Variants in TNRC18 observed in about 807,000 individuals in gnomAD.
The protein encoded by TNRC18 is trinucleotide repeat containing 18, also known as trinucleotide repeat-containing gene 18 protein.
A neutral mutation model predicts 226.7 loss-of-function variants in TNRC18; 69 were observed. The observed-to-expected ratio is 0.30, with a 90% CI of 0.25 to 0.37. TNRC18 has a LOEUF of 0.37. TNRC18 is among the 10% of genes least tolerant of loss of function. The pLI is 1.00. For missense variants in TNRC18, 4,754 were observed against 4,256.6 expected, an observed-to-expected ratio of 1.12 and a Z score of -3.25; for synonymous variants, 2,449 against 1,927.6, an observed-to-expected ratio of 1.27 and a Z score of -7.09.
chr7:5,365,751 G>T (rs1054089580), intron 11 of TNRC18, among the ~76,000 whole-genome samples: 2 of 151,992 alleles, frequency 1.3e-5, no homozygotes, highest in Non-Finnish European at 2.9e-5. Flanking sequence ...ACCATGCCCG[G>T]CTGACATTTT....
At chr7:5,390,848 C>G (rs1780242832) in intron 3 of TNRC18, among the ~76,000 whole-genome samples, 1 of 151,888 alleles carries the variant, frequency 6.6e-6, no homozygotes, top group Non-Finnish European at 1.5e-5. Flanking sequence ...GGTCTCCAGT[C>G]CCCCCCAGAA....
At chr7:5,418,572 G>A (rs574743480) in intron 2 of TNRC18, among the ~76,000 whole-genome samples, 17 of 152,190 alleles carry the variant, frequency 1.1e-4, no homozygotes, top group Non-Finnish European at 2.5e-4. Flanking sequence ...CGTCCGCAGA[G>A]CCCAACCTTA....
chr7:5,379,952 C>T (rs1462673718), intron 5 of TNRC18, among the ~76,000 whole-genome samples: 5 of 152,222 alleles, frequency 3.3e-5, no homozygotes, highest in African/African-American at 9.6e-5. Flanking sequence ...AGTCCAGCAC[C>T]GCCAGCTGCA....
In TNRC18 at chr7:5,389,274, G is replaced by A. The variant is rs774284656; in HGVS notation, c.550C>T (p.Arg184Trp). 2 of 1,296,518 alleles carry A rather than the reference G, an allele frequency of 1.5e-6. No homozygotes were observed. Among genetic ancestry groups the A allele is most frequent in the Non-Finnish European group, 2.0e-6 (2 of 1,024,138 alleles). The allele number at this position is 1,296,518 out of a possible 1,614,324, so 80.3% of individuals were successfully genotyped here. A position where few individuals can be genotyped will look rare whatever the true frequency, so the allele number is the denominator to read the frequency against. ...GSLHSHAPSA[R>W]TPGGGHSSGA... The stretch of plus-strand genomic sequence containing the variant: ...GAGGAGTGGCCGCCGCCAGGGGTCC[G>A]GGCCGAGGGCGCGTGAGAGTGCAGG... Residue 184 changes from arginine (R) to tryptophan (W), a missense_variant, in exon 5 of 30, where the codon CGG becomes TGG. Arg to Trp is a moderately radical substitution (Grantham distance 101). Coordinates refer to ENST00000430969, the MANE Select transcript of TNRC18 (RefSeq NM_001080495.3).
chr7:5,369,367 A>G (rs1015763327), intron 11 of TNRC18, among the ~76,000 whole-genome samples: 3 of 152,060 alleles, frequency 2.0e-5, no homozygotes, highest in African/African-American at 7.2e-5. Flanking sequence ...AAAAACAACA[A>G]CAACAAAGCA....
chr7:5,420,306 T>G (rs1255699337), intron 2 of TNRC18: 8 of 446,638 alleles, frequency 1.8e-5, no homozygotes, highest in Non-Finnish European at 3.6e-5. Flanking sequence ...GCCTGGGCCC[T>G]GCCCGACCCG....
chr7:5,337,928 A>G (rs1185400388), intron 18 of TNRC18, among the ~76,000 whole-genome samples: 1 of 152,146 alleles, frequency 6.6e-6, no homozygotes, highest in Non-Finnish European at 1.5e-5. Flanking sequence ...GATTGCAGTG[A>G]GCCAAGATCA....
chr7:5,371,912 T>A (rs898472594), intron 10 of TNRC18, among the ~76,000 whole-genome samples: 1 of 152,154 alleles, frequency 6.6e-6, no homozygotes, highest in African/African-American at 2.4e-5. Context: ...TTCCTTTTTT[T>A]TTGAGACAGA....
chr7:5,342,688 A>C (rs1448154135), intron 18 of TNRC18, among the ~76,000 whole-genome samples: 1 of 152,238 alleles, frequency 6.6e-6, no homozygotes, highest in East Asian at 1.9e-4. Context: ...TGCTGTGAAC[A>C]CTGTTGAAAT....
chr7:5,308,837 T>TTGCC, intron 29 of TNRC18, 38 bp downstream of exon 29: 19 of 834,154 alleles, frequency 2.3e-5, no homozygotes, highest in Non-Finnish European at 3.1e-5. Context: ...GAAGCAGCCA[T>TTGCC]CCCCAACCCG....
chr7:5,321,555 A>G (rs1788358421), intron 21 of TNRC18, among the ~76,000 whole-genome samples: 2 of 152,186 alleles, frequency 1.3e-5, no homozygotes, highest in African/African-American at 4.8e-5. Flanking sequence ...TCTGGGTGCC[A>G]GCCATCACCG....
At chr7:5,418,178 A>C (rs1164222245) in intron 2 of TNRC18, among the ~76,000 whole-genome samples, 1 of 152,190 alleles carries the variant, frequency 6.6e-6, no homozygotes, top group Non-Finnish European at 1.5e-5. Context: ...AGGCCTCCCA[A>C]GCCCAGAGCA....
rs752577666 is a variant in TNRC18, at chr7:5,313,328, G to T, written c.7563C>A (p.Thr2521=). The part of the protein sequence containing the change: ...SEPKAPWPKA[T]DGDLAQEPGP... ...CGGGCTCCTGGGCGAGGTCCCCGTC[G>T]GTGGCCTTGGGCCAGGGTGCCTTGG... The change falls in exon 27 of 30, where the codon ACC becomes ACA. Residue 2521 remains threonine, a synonymous_variant. Transcript: ENST00000430969. The T allele has an allele frequency of 1.7e-5, 26 of 1,552,448 alleles. No individual in the cohort carries two copies. Among genetic ancestry groups the T allele is most frequent in the Non-Finnish European group, 2.1e-5 (24 of 1,149,030 alleles).
rs774510421 is a variant in TNRC18 at position 5,374,165 on chromosome 7, G to T, written c.3119C>A (p.Pro1040Gln). 1.4e-6 allele frequency: 2 copies of T among 1,461,524 alleles called. No individual in the cohort carries two copies. Among genetic ancestry groups the T allele is most frequent in the Admixed American group, 2.6e-5 (1 of 38,300 alleles). The allele number at this position is 1,461,524 out of a possible 1,614,324, so 90.5% of individuals were successfully genotyped here. The change falls in exon 10 of 30, where the codon CCG becomes CAG. Residue 1040 changes from proline to glutamine, a missense_variant. Pro to Gln is a moderately conservative substitution (Grantham distance 76). Coordinates refer to ENST00000430969, the MANE Select transcript of TNRC18 (RefSeq NM_001080495.3). ...CTTGCGGGTGATACCCGGGGTGGGC[G>T]GTGGGGAGGCGGGCGGCGGGCTGGT... ...HPTSPPPASP[P>Q]PTPGITRKEE... is the part of the protein sequence containing the mutation.
chr7:5,396,115 G>A (rs2128204820), intron 2 of TNRC18, among the ~76,000 whole-genome samples: 1 of 147,530 alleles, frequency 6.8e-6, no homozygotes, highest in East Asian at 2.0e-4. Context: ...AGGTTGCAGT[G>A]AGCCGAGATC....
chr7:5,321,290 C>T (rs1788328760), intron 21 of TNRC18, 100 bp from the exon 22 acceptor site: 3 of 867,394 alleles, frequency 3.5e-6, no homozygotes, highest in African/African-American at 1.7e-5. Context: ...GAATGGAGGC[C>T]CTGGTACCGG....
chr7:5,316,136 G>C (rs1015615924), intron 24 of TNRC18, 64 bp from the exon 25 acceptor site: 2 of 1,319,100 alleles, frequency 1.5e-6, no homozygotes, highest in African/African-American at 1.5e-5. Context: ...GACGCACAAG[G>C]GTCAGGATGG....
chr7:5,374,130 G>C lies in TNRC18; in HGVS notation c.3154C>G (p.Pro1052Ala). The C allele has an allele frequency of 6.6e-7, 1 of 1,523,754 alleles. No individual in the cohort carries two copies. The highest frequency in any genetic ancestry group is 1.2e-5 in the South Asian group (1 of 85,058). The allele number at this position is 1,523,754 out of a possible 1,614,324, so 94.4% of individuals were successfully genotyped here. A position where few individuals can be genotyped will look rare whatever the true frequency, so the allele number is the denominator to read the frequency against. Residue 1052 changes from proline (P) to alanine (A), a missense_variant, in exon 10 of 30, where the codon CCC (proline) becomes GCC (alanine). By Grantham distance (27) the Pro-to-Ala change is conservative (BLOSUM62 -1). Coordinates refer to ENST00000430969, the MANE Select transcript of TNRC18 (RefSeq NM_001080495.3). Reference protein sequence around the residue: ...TPGITRKEEAPENVVEKKDLE... With the variant: ...TPGITRKEEAAENVVEKKDLE... ...TCTTTCTTCTCGACCACATTCTCGGGAGCCTCCTCCTTGCGGGTGATACCC... is the reference window on the plus strand; with the variant it reads ...TCTTTCTTCTCGACCACATTCTCGGCAGCCTCCTCCTTGCGGGTGATACCC...
chr7:5,406,085 A>C (rs1781444958), intron 2 of TNRC18, among the ~76,000 whole-genome samples: 2 of 152,212 alleles, frequency 1.3e-5, no homozygotes, highest in Non-Finnish European at 2.9e-5. Flanking sequence ...TTCAGCCCTG[A>C]AAAGGAAGGA....
Sources: allele counts gnomAD v4.1 joint callset (sites outside exome capture counted in the v4.1 genomes callset), GRCh38; gene constraint gnomAD v4.1.1; transcripts MANE v1.5; gene names NCBI Gene and HGNC (gene_info 2026-07-23, HGNC 2026-07-21).